Variants in CTIF observed in about 807,000 individuals in gnomAD.
The protein encoded by CTIF is cap binding complex dependent translation initiation factor.
A neutral mutation model predicts 66.0 loss-of-function variants in CTIF; 21 were observed. That is an observed-to-expected ratio of 0.32 (90% CI 0.23 to 0.46). The LOEUF (loss-of-function observed/expected upper bound fraction) is 0.46. CTIF is among the 20% of genes least tolerant of loss of function. CTIF has a pLI of 1.00. For missense variants in CTIF, 739 were observed against 812.7 expected, an observed-to-expected ratio of 0.91 and a Z score of 1.10; for synonymous variants, 345 against 326.4, an observed-to-expected ratio of 1.06 and a Z score of -0.62.
At chr18:48,681,378 T>G (rs2145149234) in intron 6 of CTIF, among the ~76,000 whole-genome samples, 1 of 152,282 alleles carries the variant, frequency 6.6e-6, no homozygotes, top group Non-Finnish European at 1.5e-5. Flanking sequence ...TGGGTCCCTG[T>G]CCTTTGCAAG....
At chr18:48,840,699 G>A (rs1019862241) in intron 10 of CTIF, among the ~76,000 whole-genome samples, 10 of 152,076 alleles carry the variant, frequency 6.6e-5, no homozygotes, top group Admixed American at 3.9e-4. Flanking sequence ...AGCACAGCCC[G>A]ATTCTTCTCT....
intron 2 of CTIF, among the ~76,000 whole-genome samples, chr18:48,636,097 G>T (rs1295554102): frequency 6.6e-6 from 1 of 152,224 alleles, no homozygotes; most frequent in Admixed American, 6.5e-5. Context: ...GTTCTCAGGG[G>T]ATGTGAGTGG....
intron 3 of CTIF, 94 bp from the exon 4 acceptor site, chr18:48,663,658 A>G (rs2091384643): frequency 2.6e-6 from 3 of 1,151,610 alleles, no homozygotes; most frequent in Non-Finnish European, 3.9e-6. Context: ...TTGGGGGCTC[A>G]CTCCAGCCCC....
intron 1 of CTIF, 32 bp from the exon 2 acceptor site, chr18:48,619,506 C>A: frequency 7.4e-7 from 1 of 1,351,414 alleles, no homozygotes; most frequent in Non-Finnish European, 9.6e-7. Context: ...CCAGCAGCGT[C>A]TCACGGAGTT....
intron 1 of CTIF, among the ~76,000 whole-genome samples, chr18:48,561,440 G>A (rs1237321293): frequency 6.6e-6 from 1 of 152,146 alleles, no homozygotes. Context: ...TGCTGAGACT[G>A]GGAAGTGCAG....
intron 1 of CTIF, among the ~76,000 whole-genome samples, chr18:48,584,040 C>G (rs139607875): frequency 5.4e-4 from 83 of 152,304 alleles, no homozygotes; most frequent in Non-Finnish European, 1.1e-3. Context: ...CATCTCTTAT[C>G]TTGGTGGATG....
At chr18:48,611,629 GC>G (rs1408574759) in intron 1 of CTIF, among the ~76,000 whole-genome samples, 7 of 152,194 alleles carry the variant, frequency 4.6e-5, no homozygotes, top group Admixed American at 3.3e-4. Flanking sequence ...TGAGTCTCAG[GC>G]CCCAACTCCC....
chr18:48,569,069 C>T (rs2089351269), intron 1 of CTIF, among the ~76,000 whole-genome samples: 2 of 152,140 alleles, frequency 1.3e-5, no homozygotes, highest in Admixed American at 1.3e-4. Flanking sequence ...TGTGTCCCAG[C>T]CTCCTCCTCT....
At chr18:48,796,682 C>T (rs2067927180) in intron 9 of CTIF, among the ~76,000 whole-genome samples, 1 of 152,186 alleles carries the variant, frequency 6.6e-6, no homozygotes, top group African/African-American at 2.4e-5. Flanking sequence ...CCACAGCCAC[C>T]CAAGGGCAGA....
intron 6 of CTIF, among the ~76,000 whole-genome samples, chr18:48,680,498 C>T (rs556710206): frequency 2.6e-5 from 4 of 152,384 alleles, no homozygotes; most frequent in South Asian, 2.1e-4. Context: ...CAGGGGTGCC[C>T]GGTACACAGT....
At chr18:48,626,698 G>A (rs188644248) in intron 2 of CTIF, among the ~76,000 whole-genome samples, 59 of 127,154 alleles carry the variant, frequency 4.6e-4, no homozygotes, top group Admixed American at 1.5e-3. Context: ...TCTTGTTGTC[G>A]AGGCTGGAGT....
At chr18:48,654,034 CCT>C (rs1206909048) in intron 3 of CTIF, among the ~76,000 whole-genome samples, 1 of 152,028 alleles carries the variant, frequency 6.6e-6, no homozygotes, top group Non-Finnish European at 1.5e-5. Context: ...TAGAAGAAAA[CCT>C]AGGCAATACC....
chr18:48,684,134 A>G (rs1002011789), intron 6 of CTIF, among the ~76,000 whole-genome samples: 2 of 152,180 alleles, frequency 1.3e-5, no homozygotes, highest in African/African-American at 2.4e-5. Context: ...TTCATCTCCA[A>G]CGTAGTATAA....
intron 7 of CTIF, among the ~76,000 whole-genome samples, chr18:48,717,758 G>T (rs1480624729): frequency 1.3e-5 from 2 of 152,120 alleles, no homozygotes; most frequent in Admixed American, 6.6e-5. Flanking sequence ...ACAGGGTCTT[G>T]CTCTGTCACC....
At chr18:48,693,599 G>A (rs985368725) in intron 6 of CTIF, among the ~76,000 whole-genome samples, 1 of 152,168 alleles carries the variant, frequency 6.6e-6, no homozygotes, top group Non-Finnish European at 1.5e-5. Flanking sequence ...GGGAGAGAGT[G>A]TGAGAAGGCT....
At chr18:48,762,258 C>T (rs1909081858) in intron 9 of CTIF, among the ~76,000 whole-genome samples, 1 of 152,238 alleles carries the variant, frequency 6.6e-6, no homozygotes, top group African/African-American at 2.4e-5. Flanking sequence ...CTTAATATCC[C>T]TTCACCTCTG....
chr18:48,654,427 C>T (rs1042514537), intron 3 of CTIF, among the ~76,000 whole-genome samples: 2 of 152,162 alleles, frequency 1.3e-5, no homozygotes, highest in Non-Finnish European at 2.9e-5. Flanking sequence ...CAATGAGATA[C>T]CATCTCACAC....
In CTIF at chr18:48,758,412, G is replaced by A; in HGVS notation, c.1071+7G>A. On this transcript the variant is annotated splice_region_variant and intron_variant, in intron 8 of 11. Coordinates refer to ENST00000256413, the MANE Select transcript of CTIF (RefSeq NM_014772.3). ...GCGAAGGCTAAAGGAAAAGGTACCG[G>A]TAATTGAATTTTTGTTCTTCTCTTG... 1 of 1,565,578 alleles carries A rather than the reference G, an allele frequency of 6.4e-7. No individual in the cohort carries two copies. The highest frequency in any genetic ancestry group is 8.6e-7 in the Non-Finnish European group (1 of 1,157,704).
At chr18:48,634,486 G>A (rs1287868145) in intron 2 of CTIF, among the ~76,000 whole-genome samples, 1 of 152,210 alleles carries the variant, frequency 6.6e-6, no homozygotes, top group Non-Finnish European at 1.5e-5. Flanking sequence ...CAGGTAGCTA[G>A]TACCAACTCT....
Sources: gnomAD v4.1 joint callset for allele counts (sites outside exome capture counted in the v4.1 genomes callset) on GRCh38, gnomAD v4.1.1 for gene constraint, MANE v1.5 for transcripts, NCBI Gene and HGNC (gene_info 2026-07-23, HGNC 2026-07-21) for gene names.